DNAH14: variants seen among roughly 807,000 people sequenced by gnomAD.
The protein encoded by DNAH14 is axonemal beta dynein heavy chain 14.
Under a neutral mutation model 520.9 loss-of-function variants are expected in DNAH14, and 478 were observed. The ratio of observed to expected loss-of-function variants is 0.92; its 90% CI spans 0.85 to 0.99. The LOEUF (loss-of-function observed/expected upper bound fraction) is 0.99. DNAH14 is among the 50% of genes least tolerant of loss of function. The probability of loss-of-function intolerance (pLI) is 0.00; values close to 1 mark genes in which losing one functional copy is unlikely to be tolerated. For missense variants in DNAH14, 4,831 were observed against 5,234.5 expected (o/e 0.92, Z 2.38); for synonymous variants, 1,581 against 1,757.2 (o/e 0.90, Z 2.51).
At chr1:225,221,599 G>C (rs2090054583) in intron 41 of DNAH14, among the ~76,000 whole-genome samples, 1 of 152,192 alleles carries the variant, frequency 6.6e-6, no homozygotes, top group Admixed American at 6.5e-5. Context: ...ACCACAATGA[G>C]ATACCATCTC....
chr1:224,993,795 C>G (rs1253853328), intron 8 of DNAH14, among the ~76,000 whole-genome samples: 2 of 151,860 alleles, frequency 1.3e-5, no homozygotes, highest in Non-Finnish European at 2.9e-5. Context: ...GATCTTTATA[C>G]TTTTTTGATG....
At chr1:225,157,532 G>A (rs906496227) in intron 34 of DNAH14, among the ~76,000 whole-genome samples, 1 of 151,950 alleles carries the variant, frequency 6.6e-6, no homozygotes, top group Non-Finnish European at 1.5e-5. Context: ...TTAATGAAGT[G>A]TTACCTTTGT....
chr1:224,985,260 T>C (rs1428047372), intron 8 of DNAH14, among the ~76,000 whole-genome samples: 1 of 152,118 alleles, frequency 6.6e-6, no homozygotes, highest in African/African-American at 2.4e-5. Flanking sequence ...CCCTGGTATA[T>C]ATATGATGGA....
At chr1:225,217,489 T>G (rs1283835763) in intron 41 of DNAH14, among the ~76,000 whole-genome samples, 3 of 152,170 alleles carry the variant, frequency 2.0e-5, no homozygotes, top group Non-Finnish European at 4.4e-5. Context: ...AGCTATGCCC[T>G]GCCCCCAGAG....
intron 21 of DNAH14, 128 bp downstream of exon 21, chr1:225,085,917 T>C: frequency 1.0e-6 from 1 of 996,352 alleles, no homozygotes; most frequent in Non-Finnish European, 1.4e-6. Context: ...AAAATTACAA[T>C]GAATATTTAC....
chr1:225,039,907 C>T (rs535622848), intron 12 of DNAH14, among the ~76,000 whole-genome samples: 5 of 143,852 alleles, frequency 3.5e-5, no homozygotes, highest in Non-Finnish European at 7.6e-5. Context: ...AAAAAGTAGC[C>T]TTGTGTAATA....
chr1:225,191,148 G>A (rs1458957090), intron 37 of DNAH14, among the ~76,000 whole-genome samples: 1 of 151,798 alleles, frequency 6.6e-6, no homozygotes, highest in East Asian at 1.9e-4. Flanking sequence ...CTTAACCAGA[G>A]ATCTTTATTT....
At chr1:225,362,175 A>T (rs947108964) in intron 75 of DNAH14, among the ~76,000 whole-genome samples, 2 of 152,262 alleles carry the variant, frequency 1.3e-5, no homozygotes, top group Non-Finnish European at 2.9e-5. Context: ...GCTAATAAAA[A>T]AAAGAAATTA....
In DNAH14 at chr1:225,322,774, G is replaced by A. The variant is rs1190172871; in HGVS notation, c.9446G>A (p.Gly3149Asp). The change falls in exon 62 of 86, where the codon GGT becomes GAT. Residue 3149 changes from glycine to aspartate, a missense_variant. Transcript: ENST00000682510. ...ATAKLLLSET[G>D]FLKKLINLDK... Reference sequence around the variant, plus strand: ...GCAAAGTTACTTCTTTCAGAAACTGGTTTCCTGAAAAAATTGATTAACCTT... The same window carrying A: ...GCAAAGTTACTTCTTTCAGAAACTGATTTCCTGAAAAAATTGATTAACCTT... 6.4e-7 allele frequency: 1 copy of A among 1,551,630 alleles called. No homozygotes were observed. The highest frequency in any genetic ancestry group is 8.7e-7 in the Non-Finnish European group (1 of 1,146,982).
At chr1:225,270,263 A>G (rs2093274875) in intron 49 of DNAH14, among the ~76,000 whole-genome samples, 1 of 146,052 alleles carries the variant, frequency 6.8e-6, no homozygotes, top group South Asian at 2.3e-4. Context: ...ATAGGTGGGA[A>G]CTGAACAATG....
chr1:225,200,001 A>C (rs2086621119), intron 38 of DNAH14, among the ~76,000 whole-genome samples: 1 of 148,224 alleles, frequency 6.7e-6, no homozygotes, highest in Non-Finnish European at 1.5e-5. Flanking sequence ...TCATTTTATA[A>C]ATTTGGGAGC....
Position 225,113,342 on chromosome 1 carries a change from T to A in DNAH14, c.3868-4342T>A, listed in dbSNP as rs1460308418. Reference sequence around the variant, plus strand: ...ACTTTTTCCCAAACAATTGAGTCATTCTCTGTGTGCTGAGCTGCCTGGAAC... The same window carrying A: ...ACTTTTTCCCAAACAATTGAGTCATACTCTGTGTGCTGAGCTGCCTGGAAC... On this transcript the variant is annotated intron_variant, in intron 23 of 85. Coordinates refer to ENST00000682510, the MANE Select transcript of DNAH14 (RefSeq NM_001367479.1). Among the ~76,000 whole-genome samples, 15 of 152,146 alleles carry A rather than the reference T, an allele frequency of 9.9e-5. 2 individuals are homozygous for A. The highest frequency in any genetic ancestry group is 9.8e-4 in the Admixed American group (15 of 15,272).
chr1:225,152,838 G>A lies in DNAH14; in HGVS notation c.5151G>A (p.Lys1717=), dbSNP rs2080634664. 1.3e-6 allele frequency: 2 copies of A among 1,551,028 alleles called. No homozygotes were observed. The highest frequency in any genetic ancestry group is 3.9e-5 in the Admixed American group (2 of 50,934). The change falls in exon 33 of 86, where the codon AAG becomes AAA. Residue 1717 remains lysine, a synonymous_variant. Coordinates refer to ENST00000682510, the MANE Select transcript of DNAH14 (RefSeq NM_001367479.1). ...GFKSANSLSG[K]LTNLYELARK... is the part of the protein sequence containing the mutation. ...AATCTGCAAATTCACTCTCTGGAAA[G>A]CTAACTAACCTTTATGAATTAGCGC... is the stretch of plus-strand genomic sequence containing the variant.
chr1:225,113,796 G>A (rs148765447), intron 23 of DNAH14, among the ~76,000 whole-genome samples: 2 of 152,110 alleles, frequency 1.3e-5, no homozygotes, highest in African/African-American at 2.4e-5. Flanking sequence ...CCGGGGTACC[G>A]CTGATGTTCA....
chr1:225,376,585 G>A (rs771720828), intron 78 of DNAH14, among the ~76,000 whole-genome samples: 48 of 152,216 alleles, frequency 3.2e-4, no homozygotes, highest in Non-Finnish European at 6.2e-4. Flanking sequence ...GATGACAGAA[G>A]GGTATTCTGA....
chr1:225,228,640 A>T (rs2090791929), intron 41 of DNAH14, among the ~76,000 whole-genome samples: 1 of 151,998 alleles, frequency 6.6e-6, no homozygotes, highest in Admixed American at 6.6e-5. Context: ...GAAAAGAATG[A>T]TACTGATTAT....
chr1:225,319,781 C>A (rs892327496), intron 61 of DNAH14, among the ~76,000 whole-genome samples: 5 of 152,090 alleles, frequency 3.3e-5, no homozygotes, highest in Non-Finnish European at 7.4e-5. Flanking sequence ...GATGAGGTGA[C>A]ATTGGAGCAG....
chr1:225,063,925 GAAAAA>G (rs908315330), intron 17 of DNAH14, among the ~76,000 whole-genome samples: 1 of 145,246 alleles, frequency 6.9e-6, no homozygotes, highest in Non-Finnish European at 1.5e-5. Flanking sequence ...GAATAAAAAA[GAAAAA>G]AAAAAGAAAT....
chr1:225,106,488 T>A (rs1384204052), intron 23 of DNAH14, among the ~76,000 whole-genome samples: 1 of 152,208 alleles, frequency 6.6e-6, no homozygotes, highest in African/African-American at 2.4e-5. Context: ...TCCAACTTGG[T>A]TCCATTCTCC....
Sources: gnomAD v4.1 joint callset for allele counts (sites outside exome capture counted in the v4.1 genomes callset) on GRCh38, gnomAD v4.1.1 for gene constraint, MANE v1.5 for transcripts, NCBI Gene and HGNC (gene_info 2026-07-23, HGNC 2026-07-21) for gene names.